The following SLC23A1 variants were observed in gnomAD, a reference collection of about 807,000 sequenced individuals.
SLC23A1 encodes the protein Na(+)/L-ascorbic acid transporter 1.
A neutral mutation model predicts 62.5 loss-of-function variants in SLC23A1; 31 were observed. The observed-to-expected ratio is 0.50, with a 90% CI of 0.37 to 0.67. The LOEUF is 0.67. Ranked by LOEUF, SLC23A1 falls within the 30% of genes least tolerant of loss-of-function variation. The pLI, the probability that SLC23A1 is intolerant of heterozygous loss-of-function variation, is 0.00. For synonymous variants in SLC23A1, 271 were observed against 313.2 expected, an observed-to-expected ratio of 0.87 and a Z score of 1.42; for missense variants, 640 against 782.7, an observed-to-expected ratio of 0.82 and a Z score of 2.18.
rs762351719 is a variant in SLC23A1 at position 139,381,975 on chromosome 5, G to C, written c.225C>G (p.Asp75Glu). 1 of 1,600,320 alleles carries C rather than the reference G, an allele frequency of 6.2e-7. No homozygotes were observed. Among genetic ancestry groups the C allele is most frequent in the South Asian group, 1.1e-5 (1 of 88,550 alleles). The change falls in exon 3 of 15, where the codon GAC becomes GAG. Residue 75 changes from aspartate to glutamate, a missense_variant. By Grantham distance (45) the Asp-to-Glu change is conservative. Transcript: ENST00000348729. ...LLAEALCVGH[D>E]QHMVSQLIGT... ...CGATGAGCTGACTAACCATGTGCTGGTCGTGGCCCACACACAGCGCCTCAG... is the reference window on the plus strand; with the variant it reads ...CGATGAGCTGACTAACCATGTGCTGCTCGTGGCCCACACACAGCGCCTCAG...
At chr5:139,370,327 C>T (rs1187067138) in intron 14 of SLC23A1, among the ~76,000 whole-genome samples, 1 of 152,122 alleles carries the variant, frequency 6.6e-6, no homozygotes, top group Non-Finnish European at 1.5e-5. Context: ...TGTGCCACCA[C>T]ACCTGGCTAA....
rs1053451247 is a variant in SLC23A1 at position 139,378,571 on chromosome 5, C to G, written c.1179+8G>C. The G allele has an allele frequency of 1.3e-6, 2 of 1,581,802 alleles. No individual in the cohort carries two copies. The highest frequency in any genetic ancestry group is 1.3e-5 in the African/African-American group (1 of 74,116). ...AGGGCAGGATTTGGCTCTGGCTCGT[C>G]GCGACACCTTGGTAATTCCCAGGAC... On this transcript the variant is annotated splice_region_variant and intron_variant, in intron 10 of 14. Transcript: ENST00000348729. The surrounding 1 kb of genome is among the most constrained non-coding windows in gnomAD (Gnocchi z 4.5).
At chr5:139,381,614 C>CAAAAA (rs904456829) in intron 3 of SLC23A1, among the ~76,000 whole-genome samples, 1 of 55,714 alleles carries the variant, frequency 1.8e-5, no homozygotes. Flanking sequence ...ACTCCGTCTC[C>CAAAAA]AAAAAAAAAA....
chr5:139,381,150 C>A (rs776369752), intron 3 of SLC23A1, among the ~76,000 whole-genome samples: 1 of 152,324 alleles, frequency 6.6e-6, no homozygotes, highest in East Asian at 1.9e-4. Context: ...GGCACCTGCC[C>A]GGAAGTGGAC....
rs758487240 is a variant in SLC23A1, at chr5:139,378,667, C to T, written c.1091G>A (p.Gly364Asp). The change falls in exon 10 of 15, where the codon GGC becomes GAC. Residue 364 changes from glycine to aspartate, a missense_variant. By Grantham distance (94) the Gly-to-Asp change is moderately conservative. Coordinates refer to ENST00000348729, the MANE Select transcript of SLC23A1 (RefSeq NM_005847.5). This position sits in a 1 kb window ranked among gnomAD's most constrained non-coding sequence, Gnocchi z 4.5. ...TAGCCCCGCGATGATGCAGCAAATG[C>T]CTTCGGTGAAGATGCCCCTGTAAGG... ...HAINRGIFTE[G>D]ICCIIAGLLG... is the part of the protein sequence containing the mutation. The T allele has an allele frequency of 1.9e-6, 3 of 1,610,070 alleles. No homozygotes were observed. The highest frequency in any genetic ancestry group is 2.2e-5 in the South Asian group (2 of 90,074).
chr5:139,370,635 G>A (rs2152062281), intron 14 of SLC23A1, among the ~76,000 whole-genome samples: 1 of 151,878 alleles, frequency 6.6e-6, no homozygotes, highest in Non-Finnish European at 1.5e-5. Context: ...GGGATTACAG[G>A]CGCCTACCAC....
At position 139,378,678 on chromosome 5, in the gene SLC23A1, G is replaced by A. The variant is rs1758076425; in HGVS notation, c.1080C>T (p.Ile360=). The change falls in exon 10 of 15, where the codon ATC becomes ATT. Residue 360 remains isoleucine (I), a synonymous_variant. Coordinates refer to ENST00000348729, the MANE Select transcript of SLC23A1 (RefSeq NM_005847.5). This position sits in a 1 kb window ranked among gnomAD's most constrained non-coding sequence, Gnocchi z 4.5. ...TGATGCAGCAAATGCCTTCGGTGAA[G>A]ATGCCCCTGTAAGGAAAGGGAGAGT... The part of the protein sequence containing the change: ...PPPVHAINRG[I]FTEGICCIIA... 1 of 1,607,174 alleles carries A rather than the reference G, an allele frequency of 6.2e-7. No homozygotes were observed. Among genetic ancestry groups the A allele is most frequent in the African/African-American group, 1.3e-5 (1 of 74,950 alleles).
intron 2 of SLC23A1, 54 bp downstream of exon 2, chr5:139,382,438 T>A: frequency 9.7e-7 from 1 of 1,028,728 alleles, no homozygotes; most frequent in Non-Finnish European, 1.5e-6. Flanking sequence ...AGGGAGGGGC[T>A]GGAGTCCCCG....
rs951256137 is a variant in SLC23A1, at chr5:139,372,139, C to A, written c.1664G>T (p.Arg555Ile). 8.1e-6 allele frequency: 13 copies of A among 1,613,744 alleles called. No individual in the cohort carries two copies. Among genetic ancestry groups the A allele is most frequent in the Non-Finnish European group, 1.1e-5 (13 of 1,179,746 alleles). ...AGGAATGTATTTCAGAAAGGTAATT[C>A]TTTTTACTATGCCCATCCCAATGGG... Reference protein sequence around the residue: ...DFPIGMGIVKRITFLKYIPIC... With the variant: ...DFPIGMGIVKIITFLKYIPIC... Residue 555 changes from arginine to isoleucine, a missense_variant, in exon 14 of 15, where the codon AGA becomes ATA. Transcript: ENST00000348729.
chr5:139,376,458 A>G (rs1300611425), intron 13 of SLC23A1, among the ~76,000 whole-genome samples: 2 of 152,270 alleles, frequency 1.3e-5, no homozygotes, highest in African/African-American at 4.8e-5. Flanking sequence ...ATGAGCCACC[A>G]TGCTCGGCCG....
chr5:139,370,470 CTTTATTTATTTA>C (rs70982775), intron 14 of SLC23A1, among the ~76,000 whole-genome samples: 20 of 140,288 alleles, frequency 1.4e-4, no homozygotes, highest in East Asian at 4.3e-4. Flanking sequence ...CGCACCCAGC[CTTTATTTATTTA>C]TTTATTTATT....
In SLC23A1 at chr5:139,382,028, C is replaced by T. The variant is rs896602596; in HGVS notation, c.172G>A (p.Gly58Ser). ...GFQHYLTCFS[G>S]TIAVPFLLAE... Reference sequence around the variant, plus strand: ...AGCAGGAAGGGCACGGCGATGGTACCACTGAAGCATGTCAGGTAGTGCTGG... The same window carrying T: ...AGCAGGAAGGGCACGGCGATGGTACTACTGAAGCATGTCAGGTAGTGCTGG... Residue 58 changes from glycine (G) to serine (S), a missense_variant, in exon 3 of 15, where the codon GGT becomes AGT. By Grantham distance (56) the Gly-to-Ser change is moderately conservative. Transcript: ENST00000348729. 1.2e-6 allele frequency: 2 copies of T among 1,609,306 alleles called. No homozygotes were observed. The highest frequency in any genetic ancestry group is 1.7e-4 in the Middle Eastern group (1 of 5,994).
At chr5:139,371,005 C>G (rs1230917599) in intron 14 of SLC23A1, among the ~76,000 whole-genome samples, 1 of 151,916 alleles carries the variant, frequency 6.6e-6, no homozygotes, top group Non-Finnish European at 1.5e-5. Flanking sequence ...TTGCTTGAAC[C>G]CGGGAGGTGG....
chr5:139,373,977 T>G (rs540486659), intron 13 of SLC23A1, among the ~76,000 whole-genome samples: 1 of 152,316 alleles, frequency 6.6e-6, no homozygotes, highest in Admixed American at 6.5e-5. Flanking sequence ...TTCAGTGCCT[T>G]CTGTACTTCT....
Position 139,381,936 on chromosome 5 carries a change from C to T in SLC23A1, c.264G>A (p.Thr88=), listed in dbSNP as rs1275933454. 25 of 1,581,924 alleles carry T rather than the reference C, an allele frequency of 1.6e-5. No homozygotes were observed. Among genetic ancestry groups the T allele is most frequent in the Admixed American group, 9.1e-5 (5 of 54,976 alleles). ...MVSQLIGTIF[T]CVGITTLIQT... Reference sequence around the variant, plus strand: ...GGATGAGAGTGGTGATGCCCACGCACGTGAAGATGGTGCCGATGAGCTGAC... The same window carrying T: ...GGATGAGAGTGGTGATGCCCACGCATGTGAAGATGGTGCCGATGAGCTGAC... Residue 88 remains threonine, a synonymous_variant, in exon 3 of 15, where the codon ACG becomes ACA. Coordinates refer to ENST00000348729, the MANE Select transcript of SLC23A1 (RefSeq NM_005847.5).
At chr5:139,375,105 T>C (rs1205820784) in intron 13 of SLC23A1, among the ~76,000 whole-genome samples, 4 of 152,212 alleles carry the variant, frequency 2.6e-5, no homozygotes, top group African/African-American at 4.8e-5. Flanking sequence ...ACCTATGTTA[T>C]GTGAACATGA....
chr5:139,379,098 G>T lies in SLC23A1; in HGVS notation c.1073+109C>A. On this transcript the variant is annotated intron_variant, in intron 9 of 14. Transcript: ENST00000348729. This position sits in a 1 kb window ranked among gnomAD's most constrained non-coding sequence, Gnocchi z 4.7. ...AAACAAGGAGAATGAGGTCTGGAGC[G>T]TGTTCCCGACTTGCCTAAGCCTACC... is the stretch of plus-strand genomic sequence containing the variant. The T allele has an allele frequency of 1.9e-6, 2 of 1,074,498 alleles. No homozygotes were observed. Among genetic ancestry groups the T allele is most frequent in the Non-Finnish European group, 2.8e-6 (2 of 710,846 alleles). 66.6% of individuals were successfully genotyped at this position (1,074,498 alleles called of 1,614,324 possible).
In SLC23A1 at chr5:139,378,634, G is replaced by T; in HGVS notation, c.1124C>A (p.Thr375Lys). The change falls in exon 10 of 15, where the codon ACG becomes AAG. Residue 375 changes from threonine to lysine, a missense_variant. Transcript: ENST00000348729. The surrounding 1 kb of genome is among the most constrained non-coding windows in gnomAD (Gnocchi z 4.5). Reference protein sequence around the residue: ...ICCIIAGLLGTGNGSTSSSPN... With the variant: ...ICCIIAGLLGKGNGSTSSSPN... Reference sequence around the variant, plus strand: ...ACTGGACGAGGTGGACCCGTTGCCCGTGCCCAATAGCCCCGCGATGATGCA... The same window carrying T: ...ACTGGACGAGGTGGACCCGTTGCCCTTGCCCAATAGCCCCGCGATGATGCA... The T allele has an allele frequency of 1.2e-6, 2 of 1,612,378 alleles. No homozygotes were observed.
chr5:139,385,584 G>T (rs1758484813), upstream of SLC23A1, among the ~76,000 whole-genome samples: 1 of 152,146 alleles, frequency 6.6e-6, no homozygotes, highest in African/African-American at 2.4e-5. Context: ...CTTTTCTCAT[G>T]AAGGCTCTGA....
Sources: allele counts gnomAD v4.1 joint callset (sites outside exome capture counted in the v4.1 genomes callset), GRCh38; gene constraint gnomAD v4.1.1; non-coding constraint Gnocchi (gnomAD v3.1); transcripts MANE v1.5; gene names NCBI Gene and HGNC (gene_info 2026-07-23, HGNC 2026-07-21).